The following PCCA variants were observed in gnomAD, a reference collection of about 807,000 sequenced individuals.
The protein encoded by PCCA is propionyl-CoA carboxylase alpha chain, mitochondrial.
A neutral mutation model predicts 101.3 loss-of-function variants in PCCA; 74 were observed. The ratio of observed to expected loss-of-function variants is 0.73; its 90% CI spans 0.61 to 0.89. The LOEUF is 0.89. Among genes scored for constraint, PCCA ranks in the 40% least tolerant of loss-of-function variants. The pLI is 0.00. For missense variants in PCCA, 891 were observed against 907.0 expected (o/e 0.98, Z 0.23); for synonymous variants, 294 against 313.6 (o/e 0.94, Z 0.66).
chr13:100,374,035 A>G (rs900980132), intron 19 of PCCA, among the ~76,000 whole-genome samples: 1 of 152,022 alleles, frequency 6.6e-6, no homozygotes, highest in Non-Finnish European at 1.5e-5. Flanking sequence ...TCACTTGAAC[A>G]CAGGAGATGG....
At chr13:100,454,430 C>A (rs1275696358) in intron 21 of PCCA, among the ~76,000 whole-genome samples, 1 of 152,138 alleles carries the variant, frequency 6.6e-6, no homozygotes, top group Non-Finnish European at 1.5e-5. Context: ...AATAGTAGAT[C>A]AGTCTGAAAG....
chr13:100,452,037 TTTCCTCCTC>T (rs2081347029), intron 21 of PCCA, among the ~76,000 whole-genome samples: 1 of 23,026 alleles, frequency 4.3e-5, no homozygotes, highest in Admixed American at 5.4e-4. Context: ...CCCTCTCTCC[TTTCCTCCTC>T]TTCCTCTCTC....
intron 8 of PCCA, among the ~76,000 whole-genome samples, chr13:100,250,903 TC>T (rs2061708379): frequency 6.6e-6 from 1 of 152,220 alleles, no homozygotes; most frequent in Non-Finnish European, 1.5e-5. Flanking sequence ...CCGTCACACT[TC>T]CTGTCCTTTG....
chr13:100,306,213 G>T (rs1471608231), intron 14 of PCCA, among the ~76,000 whole-genome samples: 1 of 152,154 alleles, frequency 6.6e-6, no homozygotes, highest in African/African-American at 2.4e-5. Flanking sequence ...TATTAGGAAG[G>T]CTTCTTCCCA....
chr13:100,491,814 G>T, intron 21 of PCCA: 5 of 1,070,164 alleles, frequency 4.7e-6, no homozygotes, highest in East Asian at 7.8e-5. Context: ...TAAATATTTT[G>T]GTCCCTTTTT....
chr13:100,112,703 A>G (rs903188538), intron 4 of PCCA, among the ~76,000 whole-genome samples: 1 of 150,346 alleles, frequency 6.7e-6, no homozygotes, highest in Non-Finnish European at 1.5e-5. Context: ...CAGCCTCCGG[A>G]GTAGCTGGGA....
At chr13:100,278,876 C>A (rs1221478648) in intron 12 of PCCA, among the ~76,000 whole-genome samples, 2 of 151,926 alleles carry the variant, frequency 1.3e-5, no homozygotes, top group African/African-American at 4.8e-5. Flanking sequence ...AAATTATGTT[C>A]TATACCCTCA....
chr13:100,458,387 C>T (rs1369035036), intron 21 of PCCA, among the ~76,000 whole-genome samples: 2 of 128,474 alleles, frequency 1.6e-5, no homozygotes, highest in African/African-American at 6.5e-5. Context: ...CACACACACA[C>T]GCACATATAC....
intron 11 of PCCA, among the ~76,000 whole-genome samples, chr13:100,271,663 A>C (rs1425156069): frequency 6.6e-6 from 1 of 152,244 alleles, no homozygotes; most frequent in Admixed American, 6.5e-5. Flanking sequence ...TCAGCTGTAT[A>C]AAGATATTTA....
At chr13:100,121,851 A>G (rs983970612) in intron 4 of PCCA, among the ~76,000 whole-genome samples, 2 of 152,130 alleles carry the variant, frequency 1.3e-5, no homozygotes, top group African/African-American at 2.4e-5. Context: ...TTTTTATTTC[A>G]TATTCTTGCC....
chr13:100,163,481 A>G (rs1174643406), intron 6 of PCCA, among the ~76,000 whole-genome samples: 2 of 152,176 alleles, frequency 1.3e-5, no homozygotes, highest in Admixed American at 6.5e-5. Flanking sequence ...TCTTGTAGCC[A>G]GGATGTAGTT....
chr13:100,275,334 C>T (rs892354249), intron 12 of PCCA, among the ~76,000 whole-genome samples: 1 of 152,094 alleles, frequency 6.6e-6, no homozygotes. Context: ...GGCGGTAGAC[C>T]GTCCTTGTGT....
intron 19 of PCCA, among the ~76,000 whole-genome samples, chr13:100,422,117 T>TCTTTCTTTCTTTCTTC (rs2078851717): frequency 7.3e-6 from 1 of 136,144 alleles, no homozygotes; most frequent in Non-Finnish European, 1.6e-5. Flanking sequence ...TTTCTTTCTT[T>TCTTTCTTTCTTTCTTC]CTTTTCTTTC....
chr13:100,475,939 T>TA (rs1323663545), intron 21 of PCCA, among the ~76,000 whole-genome samples: 2 of 152,212 alleles, frequency 1.3e-5, no homozygotes, highest in Non-Finnish European at 2.9e-5. Flanking sequence ...TTGTGTATGT[T>TA]AATTTGTTTT....
rs375850466 is a variant in PCCA, at chr13:100,262,616, CTTTTA to C, written c.717-111_717-107del. ...ATAAATATTTAATCGATTGTGTTTTCTTTTATAATGATAGCTCTATTTGTTTTGTT... is the reference window on the plus strand; with the variant it reads ...ATAAATATTTAATCGATTGTGTTTTCTAATGATAGCTCTATTTGTTTTGTT... On this transcript the variant is annotated intron_variant, in intron 9 of 23. Coordinates refer to ENST00000376285, the MANE Select transcript of PCCA (RefSeq NM_000282.4). The C allele has an allele frequency of 1.1e-3, 759 of 702,606 alleles. 4 individuals carry two copies. The African/African-American group carries it at 0.012, about 11-fold the overall frequency. 43.5% of individuals were successfully genotyped at this position (702,606 alleles called of 1,614,324 possible).
chr13:100,509,190 A>G (rs539088186), intron 21 of PCCA, among the ~76,000 whole-genome samples: 5 of 152,170 alleles, frequency 3.3e-5, no homozygotes, highest in Non-Finnish European at 7.3e-5. Flanking sequence ...ACTTGCCAGT[A>G]GACGGATATG....
At chr13:100,444,202 ATTT>A (rs60275166) in intron 20 of PCCA, among the ~76,000 whole-genome samples, 8 of 120,750 alleles carry the variant, frequency 6.6e-5, no homozygotes, top group African/African-American at 6.4e-5. Flanking sequence ...TCAGCCCACA[ATTT>A]TTTTTTTTTT....
Position 100,240,663 on chromosome 13 carries a change from C to G in PCCA, c.637+4785C>G, listed in dbSNP as rs768565052. ...ATACGGCATTTTGAAATAATTGTTA[C>G]GGTTTATACTCGTATACCCAACACT... On this transcript the variant is annotated intron_variant, in intron 8 of 23. Transcript: ENST00000376285. Among the ~76,000 whole-genome samples, 13 of 151,946 alleles carry G rather than the reference C, an allele frequency of 8.6e-5. No individual in the cohort carries two copies. The South Asian group carries it at 2.5e-3, about 29-fold the overall frequency.
chr13:100,235,028 G>T (rs111425273), intron 7 of PCCA, among the ~76,000 whole-genome samples: 5 of 152,212 alleles, frequency 3.3e-5, no homozygotes, highest in African/African-American at 1.2e-4. Context: ...GAGGGTTAAT[G>T]ATCAGTGAAA....
Sources: allele counts gnomAD v4.1 joint callset (sites outside exome capture counted in the v4.1 genomes callset), GRCh38; gene constraint gnomAD v4.1.1; transcripts MANE v1.5; gene names NCBI Gene and HGNC (gene_info 2026-07-23, HGNC 2026-07-21).